The following NR2C2 variants were observed in gnomAD, a reference collection of about 807,000 sequenced individuals.
NR2C2 encodes nuclear receptor subfamily 2 group C member 2.
Under a neutral mutation model 62.9 loss-of-function variants are expected in NR2C2, and 6 were observed. The ratio of observed to expected loss-of-function variants is 0.10; its 90% CI spans 0.05 to 0.19. The LOEUF (loss-of-function observed/expected upper bound fraction) is 0.19, where lower values mean the gene tolerates loss of function less well. Ranked by LOEUF, NR2C2 falls within the 10% of genes least tolerant of loss-of-function variation. The probability of loss-of-function intolerance (pLI) is 1.00; values close to 1 mark genes in which losing one functional copy is unlikely to be tolerated. For missense variants in NR2C2, 479 were observed against 762.7 expected (o/e 0.63, Z 4.38); for synonymous variants, 272 against 273.8 (o/e 0.99, Z 0.07).
chr3:14,984,079 G>GA (rs1245931837), intron 1 of NR2C2, among the ~76,000 whole-genome samples: 1 of 151,962 alleles, frequency 6.6e-6, no homozygotes, highest in African/African-American at 2.4e-5. Context: ...GTAGAGATGG[G>GA]ATTTCTCCAT....
At chr3:14,986,803 G>A (rs1177683849) in intron 1 of NR2C2, among the ~76,000 whole-genome samples, 1 of 152,236 alleles carries the variant, frequency 6.6e-6, no homozygotes, top group Admixed American at 6.5e-5. Context: ...GTCACAGGTT[G>A]AGCATTGCAC....
rs775196369 is a variant in NR2C2, at chr3:15,028,738, G to A, written c.932+19G>A. On this transcript the variant is annotated intron_variant, in intron 8 of 13. Transcript: ENST00000425241. Reference sequence around the variant, plus strand: ...TAACTCGGTACGAGCCCATGAGGATGGAGTCTCCCCTCCTCGCCTGGACAC... The same window carrying A: ...TAACTCGGTACGAGCCCATGAGGATAGAGTCTCCCCTCCTCGCCTGGACAC... 1.4e-4 allele frequency: 226 copies of A among 1,610,684 alleles called. No homozygotes were observed. The highest frequency in any genetic ancestry group is 1.8e-4 in the Non-Finnish European group (213 of 1,177,386).
chr3:14,971,200 C>G (rs1291548105), intron 1 of NR2C2, among the ~76,000 whole-genome samples: 1 of 151,888 alleles, frequency 6.6e-6, no homozygotes, highest in Non-Finnish European at 1.5e-5. Flanking sequence ...TCACTGCAAC[C>G]TTTGCCTCCT....
At chr3:14,979,819 A>G (rs973177007) in intron 1 of NR2C2, among the ~76,000 whole-genome samples, 6 of 152,170 alleles carry the variant, frequency 3.9e-5, no homozygotes, top group African/African-American at 1.4e-4. Context: ...ATTATAGGCC[A>G]TGGTCAAGAG....
chr3:15,037,002 A>G (rs138732758), intron 11 of NR2C2, among the ~76,000 whole-genome samples: 1 of 152,124 alleles, frequency 6.6e-6, no homozygotes, highest in African/African-American at 2.4e-5. Flanking sequence ...AGTGCCTGTA[A>G]TCCCAGTTAC....
At chr3:14,982,623 T>C (rs546557533) in intron 1 of NR2C2, among the ~76,000 whole-genome samples, 127 of 152,358 alleles carry the variant, frequency 8.3e-4, no homozygotes, top group African/African-American at 2.9e-3. Context: ...CTCACTGGTA[T>C]ATAGAAATGT....
chr3:15,004,008 C>T, intron 2 of NR2C2, 22 bp downstream of exon 2: 1 of 1,591,974 alleles, frequency 6.3e-7, no homozygotes, highest in Non-Finnish European at 8.6e-7. Flanking sequence ...CTGCCAATGG[C>T]AACCCTGCCT....
At chr3:14,990,018 A>G (rs2040625007) in intron 1 of NR2C2, among the ~76,000 whole-genome samples, 1 of 151,350 alleles carries the variant, frequency 6.6e-6, no homozygotes, top group African/African-American at 2.4e-5. Context: ...CAGGAGGATC[A>G]CTTGAGCCCA....
intron 5 of NR2C2, 117 bp downstream of exon 5, chr3:15,021,049 C>T (rs1389699261): frequency 4.0e-6 from 4 of 1,007,814 alleles, no homozygotes; most frequent in Non-Finnish European, 5.7e-6. Context: ...AATATGCACT[C>T]AGGCTTCATT....
At chr3:15,030,625 C>G (rs2041957789) in intron 9 of NR2C2, among the ~76,000 whole-genome samples, 173 bp downstream of exon 9, 2 of 151,646 alleles carry the variant, frequency 1.3e-5, no homozygotes, top group East Asian at 2.0e-4. Context: ...CTCAGGAGTT[C>G]AAGACCAGCC....
chr3:15,037,209 T>TTGTGTGTGTG (rs373045181), intron 11 of NR2C2, among the ~76,000 whole-genome samples: 148 of 130,296 alleles, frequency 1.1e-3, no homozygotes, highest in African/African-American at 4.0e-3. Context: ...TGTTTTTTGT[T>TTGTGTGTGTG]TGTGTGTGTG....
At chr3:15,038,293 A>T (rs988280791) in intron 12 of NR2C2, 156 bp downstream of exon 12, 3 of 702,328 alleles carry the variant, frequency 4.3e-6, no homozygotes, top group Non-Finnish European at 6.6e-6. Context: ...TAAATACATA[A>T]ACGCTTTTAA....
intron 1 of NR2C2, among the ~76,000 whole-genome samples, chr3:14,972,358 A>G (rs1167300663): frequency 6.6e-5 from 10 of 151,874 alleles, no homozygotes; most frequent in African/African-American, 2.4e-4. Flanking sequence ...TATTTTTAGT[A>G]GAGACAGAGT....
intron 1 of NR2C2, among the ~76,000 whole-genome samples, chr3:14,950,839 A>G (rs975753844): frequency 1.3e-5 from 2 of 151,170 alleles, no homozygotes; most frequent in Admixed American, 6.6e-5. Context: ...GTTGCTGTAC[A>G]TTGATGGATA....
chr3:14,949,493 T>C (rs747491009), intron 1 of NR2C2, among the ~76,000 whole-genome samples: 7 of 152,182 alleles, frequency 4.6e-5, no homozygotes, highest in African/African-American at 7.2e-5. Context: ...CTGTGAAATA[T>C]AGCAACGGTA....
intron 2 of NR2C2, 52 bp from the exon 3 acceptor site, chr3:15,013,537 G>A (rs1226002177): frequency 3.2e-6 from 5 of 1,542,998 alleles, no homozygotes; most frequent in Non-Finnish European, 4.5e-6. Context: ...ACCTGCAAAT[G>A]CATGGGTCTT....
chr3:14,993,852 C>T (rs1199509946), intron 1 of NR2C2, among the ~76,000 whole-genome samples: 1 of 152,160 alleles, frequency 6.6e-6, no homozygotes, highest in Non-Finnish European at 1.5e-5. Flanking sequence ...ATAAAATTTG[C>T]AGATGTATCC....
intron 1 of NR2C2, among the ~76,000 whole-genome samples, chr3:14,974,800 C>T (rs2040154507): frequency 1.3e-5 from 2 of 152,042 alleles, no homozygotes; most frequent in Non-Finnish European, 2.9e-5. Context: ...GACAGGGTTT[C>T]ACCATGTTGG....
At chr3:15,018,054 AGTGGT>A (rs886400555) in intron 4 of NR2C2, among the ~76,000 whole-genome samples, 1 of 152,074 alleles carries the variant, frequency 6.6e-6, no homozygotes, top group Non-Finnish European at 1.5e-5. Context: ...GTTGGAGTGC[AGTGGT>A]GTGATCTTGG....
Sources: allele counts gnomAD v4.1 joint callset (sites outside exome capture counted in the v4.1 genomes callset), GRCh38; gene constraint gnomAD v4.1.1; transcripts MANE v1.5; gene names NCBI Gene and HGNC (gene_info 2026-07-23, HGNC 2026-07-21).